MPHOSPH9: variants seen among roughly 807,000 people sequenced by gnomAD.
MPHOSPH9 encodes the protein M-phase phosphoprotein 9.
A neutral mutation model predicts 145.5 loss-of-function variants in MPHOSPH9; 88 were observed. The ratio of observed to expected loss-of-function variants is 0.60; its 90% CI spans 0.51 to 0.72. MPHOSPH9 has a LOEUF of 0.72. Among genes scored for constraint, MPHOSPH9 ranks in the 30% least tolerant of loss-of-function variants. The pLI, the probability that MPHOSPH9 is intolerant of heterozygous loss-of-function variation, is 0.00. For missense variants in MPHOSPH9, 1,238 were observed against 1,386.6 expected, an observed-to-expected ratio of 0.89 and a Z score of 1.70; for synonymous variants, 435 against 486.2, an observed-to-expected ratio of 0.89 and a Z score of 1.39.
intron 12 of MPHOSPH9, among the ~76,000 whole-genome samples, chr12:123,194,874 G>A (rs1475964537): frequency 2.0e-5 from 3 of 151,600 alleles, no homozygotes; most frequent in African/African-American, 4.8e-5. Context: ...CACAGGCCTC[G>A]GCCTCCCAAA....
chr12:123,238,859 T>G (rs572236152), intron 1 of MPHOSPH9, among the ~76,000 whole-genome samples: 31 of 152,282 alleles, frequency 2.0e-4, no homozygotes, highest in African/African-American at 7.5e-4. Context: ...ATTCTAGAGC[T>G]ACATTGTCCC....
At chr12:123,240,503 A>C (rs1187817288) in intron 1 of MPHOSPH9, 1 of 151,932 alleles carries the variant, frequency 6.6e-6, no homozygotes, top group Admixed American at 6.6e-5. Flanking sequence ...CGTAAAGCAC[A>C]CTGTTTCAGT....
chr12:123,152,680 GAATACTGGGGTAGTAGTTTA>G (rs954748629), downstream of MPHOSPH9: 14 of 436,584 alleles, frequency 3.2e-5, no homozygotes, highest in African/African-American at 2.6e-4. Context: ...CAGTTCCTAA[GAATACTGGGGTAGTAGTTTA>G]TTATCAAACT....
At chr12:123,241,873 T>C (rs1201351738) in intron 1 of MPHOSPH9, among the ~76,000 whole-genome samples, 1 of 152,198 alleles carries the variant, frequency 6.6e-6, no homozygotes, top group African/African-American at 2.4e-5. Flanking sequence ...CCAGATCCAG[T>C]CATGAAGAAC....
intron 15 of MPHOSPH9, among the ~76,000 whole-genome samples, chr12:123,179,452 G>A (rs1334265442): frequency 2.0e-5 from 3 of 152,258 alleles, no homozygotes; most frequent in Admixed American, 6.5e-5. Context: ...GTACACTCCT[G>A]TAGTCCCAGC....
At chr12:123,166,467 A>C in intron 17 of MPHOSPH9, 188 bp downstream of exon 17, 2 of 677,476 alleles carry the variant, frequency 3.0e-6, no homozygotes, top group Non-Finnish European at 5.0e-6. Context: ...CAGGTGGGGA[A>C]GCTTGGCAGA....
intron 1 of MPHOSPH9, chr12:123,240,669 A>G (rs1005028053): frequency 1.3e-5 from 2 of 150,550 alleles, no homozygotes; most frequent in Admixed American, 6.6e-5. Context: ...AGGCAGGTCC[A>G]GAGATTGACA....
chr12:123,219,151 T>C (rs2047092947), intron 5 of MPHOSPH9, among the ~76,000 whole-genome samples: 1 of 151,806 alleles, frequency 6.6e-6, no homozygotes, highest in South Asian at 2.1e-4. Flanking sequence ...GTGATCCACC[T>C]GTCTCAGCCT....
chr12:123,215,678 C>T (rs1716160), intron 6 of MPHOSPH9, among the ~76,000 whole-genome samples: 97,618 of 151,986 alleles, frequency 0.64, 35,825 homozygotes, highest in East Asian at 1. Context: ...ATCCTCACAT[C>T]TCTGACACTG....
At chr12:123,240,039 C>T (rs1030495621) in intron 1 of MPHOSPH9, among the ~76,000 whole-genome samples, 1 of 151,836 alleles carries the variant, frequency 6.6e-6, no homozygotes, top group Non-Finnish European at 1.5e-5. Context: ...CCTGGACCAG[C>T]AGCAACAGCC....
intron 13 of MPHOSPH9, among the ~76,000 whole-genome samples, chr12:123,189,173 C>T (rs2138191515): frequency 6.6e-6 from 1 of 152,296 alleles, no homozygotes; most frequent in Middle Eastern, 3.4e-3. Context: ...CAAAGAAACC[C>T]AACCTAACCA....
At chr12:123,161,108 A>AT in intron 22 of MPHOSPH9, 28 bp downstream of exon 22, 1 of 1,609,596 alleles carries the variant, frequency 6.2e-7, no homozygotes, top group Non-Finnish European at 8.5e-7. Flanking sequence ...TCAGAAAACA[A>AT]TTTTTAAAAA....
chr12:123,231,632 G>C (rs1454331015), intron 1 of MPHOSPH9, among the ~76,000 whole-genome samples: 4 of 152,026 alleles, frequency 2.6e-5, no homozygotes, highest in African/African-American at 9.7e-5. Context: ...AGGAGTTCAA[G>C]ACTGCAGTGA....
intron 15 of MPHOSPH9, among the ~76,000 whole-genome samples, chr12:123,177,116 G>C (rs1380426148): frequency 6.6e-6 from 1 of 152,000 alleles, no homozygotes; most frequent in Non-Finnish European, 1.5e-5. Flanking sequence ...CTTGAACCAG[G>C]GAGGTGGATA....
At chr12:123,183,655 TG>T (rs2045307898) in intron 13 of MPHOSPH9, among the ~76,000 whole-genome samples, 1 of 151,394 alleles carries the variant, frequency 6.6e-6, no homozygotes, top group Non-Finnish European at 1.5e-5. Flanking sequence ...AAAAGCAGGC[TG>T]ATGTCAGCAT....
intron 6 of MPHOSPH9, among the ~76,000 whole-genome samples, chr12:123,216,393 A>G (rs565591843): frequency 4.5e-4 from 69 of 152,320 alleles, no homozygotes; most frequent in African/African-American, 1.5e-3. Context: ...TCTTTAATGG[A>G]TCTTTTTCAT....
intron 13 of MPHOSPH9, among the ~76,000 whole-genome samples, chr12:123,183,071 A>T (rs917980886): frequency 4.6e-5 from 7 of 151,846 alleles, no homozygotes; most frequent in Non-Finnish European, 7.4e-5. Context: ...TTAAAAAATA[A>T]AAATAAATAA....
Position 123,203,357 on chromosome 12 carries a change from T to C in MPHOSPH9, c.1213A>G (p.Met405Val). ...ATATCCTTCAGTGACGGTAGCTTCA[T>C]CTCATTACTAGTATTAGACTTAAAG... The part of the protein sequence containing the change: ...SPNQSNTSNE[M>V]KLPSLKDIYY... Residue 405 changes from methionine (M) to valine (V), a missense_variant, in exon 9 of 24, where the codon ATG becomes GTG. Transcript: ENST00000606320. 1 of 1,606,718 alleles carries C rather than the reference T, an allele frequency of 6.2e-7. No individual in the cohort carries two copies. Among genetic ancestry groups the C allele is most frequent in the South Asian group, 1.1e-5 (1 of 90,624 alleles).
chr12:123,213,728 G>A (rs2046841392), intron 7 of MPHOSPH9, among the ~76,000 whole-genome samples: 1 of 152,144 alleles, frequency 6.6e-6, no homozygotes, highest in African/African-American at 2.4e-5. Flanking sequence ...TATAAAGTGA[G>A]GTCAAAGAGG....
Sources: allele counts gnomAD v4.1 joint callset (sites outside exome capture counted in the v4.1 genomes callset), GRCh38; gene constraint gnomAD v4.1.1; transcripts MANE v1.5; gene names NCBI Gene and HGNC (gene_info 2026-07-23, HGNC 2026-07-21).